The following SOAT1 variants were observed in gnomAD, a reference collection of about 807,000 sequenced individuals.
The protein encoded by SOAT1 is sterol O-acyltransferase 1, also known as acyl-coenzyme A:cholesterol acyltransferase 1.
SOAT1 carries 55 observed loss-of-function variants against 69.5 expected under a neutral mutation model. The ratio of observed to expected loss-of-function variants is 0.79; its 90% CI spans 0.64 to 0.99. SOAT1 has a LOEUF of 0.99. SOAT1 is among the 50% of genes least tolerant of loss of function. The pLI is 0.00. For missense variants in SOAT1, 580 were observed against 669.3 expected (o/e 0.87, Z 1.47); for synonymous variants, 231 against 224.7 (o/e 1.03, Z -0.25).
At chr1:179,312,790 C>G (rs1048283853) in intron 2 of SOAT1, among the ~76,000 whole-genome samples, 1 of 152,234 alleles carries the variant, frequency 6.6e-6, no homozygotes, top group African/African-American at 2.4e-5. Context: ...TAACCCTTTA[C>G]CCGCTTTGCC....
Position 179,294,062 on chromosome 1 carries a change from A to G in SOAT1, c.-9+126A>G, listed in dbSNP as rs567253513. On this transcript the variant is annotated intron_variant, in intron 1 of 15. Coordinates refer to ENST00000367619, the MANE Select transcript of SOAT1 (RefSeq NM_003101.6). The stretch of plus-strand genomic sequence containing the variant: ...GGCCTTGTCCTGGGCTGTGCTGCGG[A>G]GAAGGCGAGGCTCGGCGACTGCAGG... The G allele has an allele frequency of 6.9e-5, 10 of 145,882 alleles. No homozygotes were observed. The East Asian group carries it at 6.9e-4, about 10-fold the overall frequency. The allele number at this position is 145,882 out of a possible 1,614,324, so 9.0% of individuals were successfully genotyped here. A position where few individuals can be genotyped will look rare whatever the true frequency, so the allele number is the denominator to read the frequency against.
At chr1:179,342,763 T>C in intron 8 of SOAT1, 99 bp from the exon 9 acceptor site, 2 of 792,638 alleles carry the variant, frequency 2.5e-6, no homozygotes, top group Non-Finnish European at 4.2e-6. Flanking sequence ...GATAAGTCAT[T>C]TTATTCTTCC....
At chr1:179,318,918 T>A (rs1288966634) in intron 2 of SOAT1, among the ~76,000 whole-genome samples, 1 of 152,230 alleles carries the variant, frequency 6.6e-6, no homozygotes, top group African/African-American at 2.4e-5. Flanking sequence ...AATATTCATA[T>A]ACAAGTTTTT....
chr1:179,333,028 G>A (rs956418090), intron 3 of SOAT1, among the ~76,000 whole-genome samples: 4 of 152,268 alleles, frequency 2.6e-5, no homozygotes, highest in Admixed American at 6.5e-5. Context: ...ATGAACATTA[G>A]GCATGTAATT....
intron 1 of SOAT1, among the ~76,000 whole-genome samples, chr1:179,301,978 A>C (rs1044119681): frequency 6.0e-5 from 9 of 149,538 alleles, no homozygotes; most frequent in Admixed American, 5.3e-4. Flanking sequence ...TTATTAAATC[A>C]TACTCCACCC....
intron 1 of SOAT1, among the ~76,000 whole-genome samples, chr1:179,302,378 G>T (rs1057285970): frequency 6.6e-6 from 1 of 152,170 alleles, no homozygotes; most frequent in Non-Finnish European, 1.5e-5. Flanking sequence ...CTGGTGGGAG[G>T]TGATTGGATC....
intron 3 of SOAT1, among the ~76,000 whole-genome samples, chr1:179,334,075 T>C (rs1185509729): frequency 1.3e-5 from 2 of 152,230 alleles, no homozygotes; most frequent in Non-Finnish European, 2.9e-5. Context: ...TCGCTGTGAT[T>C]GTCAACTAAA....
chr1:179,311,758 GTGTT>G (rs2124947946), intron 2 of SOAT1, among the ~76,000 whole-genome samples: 1 of 152,236 alleles, frequency 6.6e-6, no homozygotes, highest in East Asian at 1.9e-4. Context: ...AACTTGATAA[GTGTT>G]AGTAGAACTA....
At chr1:179,297,595 A>C (rs570244192) in intron 1 of SOAT1, among the ~76,000 whole-genome samples, 3 of 151,722 alleles carry the variant, frequency 2.0e-5, no homozygotes, top group Non-Finnish European at 4.4e-5. Context: ...TCAGCCTCCC[A>C]AAGTGCTGGG....
chr1:179,339,979 A>G (rs1206304420), intron 6 of SOAT1, among the ~76,000 whole-genome samples: 6 of 152,060 alleles, frequency 3.9e-5, no homozygotes, highest in Non-Finnish European at 5.9e-5. Context: ...AGAATGGCAG[A>G]TTTTTCATAT....
At chr1:179,349,900 A>G (rs1395586475) in intron 13 of SOAT1, among the ~76,000 whole-genome samples, 1 of 152,232 alleles carries the variant, frequency 6.6e-6, no homozygotes, top group African/African-American at 2.4e-5. Context: ...CATACGGATA[A>G]GGCAAGTCCC....
At chr1:179,334,791 G>A (rs939927245) in intron 3 of SOAT1, among the ~76,000 whole-genome samples, 5 of 151,832 alleles carry the variant, frequency 3.3e-5, no homozygotes, top group African/African-American at 7.3e-5. Flanking sequence ...TGAGGTGGGC[G>A]GATCACCTGA....
Position 179,345,038 on chromosome 1 carries a change from G to C in SOAT1, c.1079G>C (p.Arg360Pro). The C allele has an allele frequency of 6.2e-7, 1 of 1,613,988 alleles. No individual in the cohort carries two copies. The highest frequency in any genetic ancestry group is 8.5e-7 in the Non-Finnish European group (1 of 1,179,904). Residue 360 changes from arginine (R) to proline (P), a missense_variant, in exon 11 of 16, where the codon CGT becomes CCT. Arg to Pro is a moderately radical substitution (Grantham distance 103). Transcript: ENST00000367619. ...ATCAAACAGGAGCCCTTCAGCGCTC[G>C]TGTTCTGGTCCTATGTGTATTTAAC... is the stretch of plus-strand genomic sequence containing the variant. ...RNIKQEPFSA[R>P]VLVLCVFNSI...
intron 2 of SOAT1, among the ~76,000 whole-genome samples, chr1:179,312,469 G>T (rs543352365): frequency 6.6e-6 from 1 of 152,110 alleles, no homozygotes; most frequent in Non-Finnish European, 1.5e-5. Context: ...TGAAACCTTC[G>T]CTAGAAATTC....
intron 2 of SOAT1, among the ~76,000 whole-genome samples, chr1:179,314,825 A>C: frequency 6.6e-6 from 1 of 152,186 alleles, no homozygotes; most frequent in East Asian, 1.9e-4. Flanking sequence ...TCAAGGAATA[A>C]ATTTTAAACA....
chr1:179,328,732 C>T (rs1054226100), intron 3 of SOAT1, among the ~76,000 whole-genome samples: 1 of 152,144 alleles, frequency 6.6e-6, no homozygotes, highest in Non-Finnish European at 1.5e-5. Context: ...AAATTACTTT[C>T]TATTTCTCCT....
In SOAT1 at chr1:179,348,940, T is replaced by A; in HGVS notation, c.1312T>A (p.Trp438Arg). 6.5e-7 allele frequency: 1 copy of A among 1,532,658 alleles called. No homozygotes were observed. Among genetic ancestry groups the A allele is most frequent in the Non-Finnish European group, 9.0e-7 (1 of 1,106,008 alleles). 94.9% of individuals were successfully genotyped at this position (1,532,658 alleles called of 1,614,324 possible). A position where few individuals can be genotyped will look rare whatever the true frequency, so the allele number is the denominator to read the frequency against. Reference sequence around the variant, plus strand: ...TTACTATGCTTACAAGGACTTTCTCTGGGTAAGTAGCAAGGTTTAAGTTGA... The same window carrying A: ...TTACTATGCTTACAAGGACTTTCTCAGGGTAAGTAGCAAGGTTTAAGTTGA... ...LYYYAYKDFL[W>R]FFSKRFKSAA... The change falls in exon 13 of 16, where the codon TGG (tryptophan) becomes AGG (arginine). Residue 438 changes from tryptophan to arginine, a missense_variant and splice_region_variant. Coordinates refer to ENST00000367619, the MANE Select transcript of SOAT1 (RefSeq NM_003101.6).
chr1:179,300,484 T>C (rs1385398930), intron 1 of SOAT1, among the ~76,000 whole-genome samples: 2 of 152,204 alleles, frequency 1.3e-5, no homozygotes, highest in African/African-American at 4.8e-5. Context: ...CTACTTGATA[T>C]ATTCATCTGC....
At chr1:179,302,480 C>T (rs1446994371) in intron 1 of SOAT1, among the ~76,000 whole-genome samples, 197 bp from the exon 2 acceptor site, 3 of 152,162 alleles carry the variant, frequency 2.0e-5, no homozygotes, top group Non-Finnish European at 4.4e-5. Flanking sequence ...CTTGCTCTGT[C>T]TCTCCTGCCG....
Sources: allele counts gnomAD v4.1 joint callset (sites outside exome capture counted in the v4.1 genomes callset), GRCh38; gene constraint gnomAD v4.1.1; transcripts MANE v1.5; gene names NCBI Gene and HGNC (gene_info 2026-07-23, HGNC 2026-07-21).